The following AMPH variants were observed in gnomAD, a reference collection of about 807,000 sequenced individuals.
The protein encoded by AMPH is amphiphysin (Stiff-Mann syndrome with breast cancer 128kD autoantigen).
Under a neutral mutation model 99.1 loss-of-function variants are expected in AMPH, and 49 were observed. The ratio of observed to expected loss-of-function variants is 0.49; its 90% CI spans 0.39 to 0.63. The LOEUF (loss-of-function observed/expected upper bound fraction) is 0.63. Ranked by LOEUF, AMPH falls within the 20% of genes least tolerant of loss-of-function variation. AMPH has a pLI of 0.00. For synonymous variants in AMPH, 314 were observed against 317.3 expected, an observed-to-expected ratio of 0.99 and a Z score of 0.11; for missense variants, 759 against 863.4, an observed-to-expected ratio of 0.88 and a Z score of 1.52.
rs1785804543 is a variant in AMPH, at chr7:38,427,043, C to A, written c.1183-57G>T. On this transcript the variant is annotated intron_variant, in intron 14 of 20. Transcript: ENST00000356264. ...TATTTTTCATTATCATTTTGTAGGA[C>A]CAGTAAATATCCATTAGACAAGTTG... 5 of 1,466,694 alleles carry A rather than the reference C, an allele frequency of 3.4e-6. No individual in the cohort carries two copies. In the South Asian group the frequency reaches 4.6e-5, roughly 13 times the overall value. The allele number at this position is 1,466,694 out of a possible 1,614,324, so 90.9% of individuals were successfully genotyped here.
intron 1 of AMPH, among the ~76,000 whole-genome samples, chr7:38,616,060 C>G (rs1008427386): frequency 6.6e-6 from 1 of 152,134 alleles, no homozygotes; most frequent in Non-Finnish European, 1.5e-5. Context: ...ATATAGCACA[C>G]CAAAGAACCT....
At chr7:38,525,277 T>TATATATATAGAGAGAG (rs1481528083) in intron 2 of AMPH, among the ~76,000 whole-genome samples, 53 of 86,642 alleles carry the variant, frequency 6.1e-4, no homozygotes, top group African/African-American at 2.4e-3. Context: ...TATATATATA[T>TATATATATAGAGAGAG]AGAGAGAGAG....
intron 11 of AMPH, among the ~76,000 whole-genome samples, chr7:38,441,638 T>C (rs550591309): frequency 6.6e-6 from 1 of 151,678 alleles, no homozygotes; most frequent in African/African-American, 2.4e-5. Flanking sequence ...TAAAGACACA[T>C]GCATTTGTGC....
At chr7:38,612,732 T>A (rs997840979) in intron 1 of AMPH, among the ~76,000 whole-genome samples, 1 of 152,158 alleles carries the variant, frequency 6.6e-6, no homozygotes, top group Admixed American at 6.5e-5. Context: ...TCTGTCCCCA[T>A]CTGCAGTTCT....
At chr7:38,626,120 T>C (rs899061981) in intron 1 of AMPH, among the ~76,000 whole-genome samples, 2 of 152,174 alleles carry the variant, frequency 1.3e-5, no homozygotes, top group South Asian at 2.1e-4. Flanking sequence ...AGATTGTAGG[T>C]TGAGGAGAGG....
intron 1 of AMPH, among the ~76,000 whole-genome samples, chr7:38,543,023 G>A (rs1020963200): frequency 2.0e-5 from 3 of 151,976 alleles, no homozygotes; most frequent in Non-Finnish European, 2.9e-5. Flanking sequence ...GAACCCAGGA[G>A]GCAGAGGTTG....
intron 12 of AMPH, among the ~76,000 whole-genome samples, chr7:38,433,063 A>T (rs1298669498): frequency 6.6e-6 from 1 of 152,196 alleles, no homozygotes; most frequent in Non-Finnish European, 1.5e-5. Flanking sequence ...GAATGGATCC[A>T]CGTTTATGCA....
At chr7:38,470,602 AG>A (rs1332986685) in intron 7 of AMPH, among the ~76,000 whole-genome samples, 1 of 152,120 alleles carries the variant, frequency 6.6e-6, no homozygotes, top group Non-Finnish European at 1.5e-5. Flanking sequence ...ATAAAATATT[AG>A]TGCTCTCAAA....
At chr7:38,392,329 C>T (rs1412758025) in intron 18 of AMPH, among the ~76,000 whole-genome samples, 2 of 148,902 alleles carry the variant, frequency 1.3e-5, no homozygotes, top group Non-Finnish European at 3.0e-5. Context: ...GTGAGGGAGG[C>T]CATCCTGAGA....
intron 1 of AMPH, among the ~76,000 whole-genome samples, chr7:38,544,653 T>C (rs1296139554): frequency 2.0e-5 from 3 of 152,228 alleles, no homozygotes; most frequent in Non-Finnish European, 4.4e-5. Flanking sequence ...TGGGCCTCAC[T>C]TGATCACTTT....
chr7:38,571,151 GAA>G (rs1562834879), intron 1 of AMPH, among the ~76,000 whole-genome samples: 1 of 51,310 alleles, frequency 1.9e-5, no homozygotes, highest in Non-Finnish European at 3.5e-5. Context: ...ATATATTTAT[GAA>G]TATATATATT....
chr7:38,403,204 C>T (rs1456809978), intron 17 of AMPH, among the ~76,000 whole-genome samples: 2 of 152,098 alleles, frequency 1.3e-5, no homozygotes, highest in East Asian at 1.9e-4. Flanking sequence ...TGGAAATAAG[C>T]TGGGGTGTAG....
intron 11 of AMPH, among the ~76,000 whole-genome samples, chr7:38,444,870 C>T (rs1346405987): frequency 6.6e-6 from 1 of 151,868 alleles, no homozygotes; most frequent in African/African-American, 2.4e-5. Flanking sequence ...ACTAACCCTA[C>T]TGACCCTGAT....
chr7:38,406,420 A>G (rs532913374), intron 17 of AMPH, among the ~76,000 whole-genome samples: 1 of 152,230 alleles, frequency 6.6e-6, no homozygotes, highest in African/African-American at 2.4e-5. Flanking sequence ...AAGGATCAAC[A>G]AAACAGAAAG....
At chr7:38,592,242 G>A (rs912799460) in intron 1 of AMPH, among the ~76,000 whole-genome samples, 4 of 152,178 alleles carry the variant, frequency 2.6e-5, no homozygotes, top group East Asian at 1.9e-4. Flanking sequence ...CAGCGTGGGC[G>A]TCATGGCCAT....
intron 2 of AMPH, among the ~76,000 whole-genome samples, chr7:38,513,520 TATC>T (rs1300042793): frequency 6.6e-6 from 1 of 152,280 alleles, no homozygotes; most frequent in Admixed American, 6.5e-5. Context: ...TATCAAAATA[TATC>T]ATAATTATGG....
intron 1 of AMPH, among the ~76,000 whole-genome samples, chr7:38,626,703 A>G (rs1471006672): frequency 1.3e-5 from 2 of 152,256 alleles, no homozygotes; most frequent in East Asian, 3.8e-4. Flanking sequence ...ATGGGATCTA[A>G]TTAAACTAAA....
chr7:38,437,761 G>GCCT (rs1786337632), intron 11 of AMPH, among the ~76,000 whole-genome samples: 1 of 151,866 alleles, frequency 6.6e-6, no homozygotes, highest in African/African-American at 2.4e-5. Context: ...CTGAGATCAT[G>GCCT]CCACTGCACT....
intron 1 of AMPH, among the ~76,000 whole-genome samples, chr7:38,559,078 T>C (rs944142780): frequency 6.6e-6 from 1 of 152,250 alleles, no homozygotes; most frequent in Non-Finnish European, 1.5e-5. Context: ...CATGTTCACG[T>C]TGTCAAACTG....
Sources: gnomAD v4.1 joint callset for allele counts (sites outside exome capture counted in the v4.1 genomes callset) on GRCh38, gnomAD v4.1.1 for gene constraint, MANE v1.5 for transcripts, NCBI Gene and HGNC (gene_info 2026-07-23, HGNC 2026-07-21) for gene names.